Variants in SERPINA5 observed in about 807,000 individuals in gnomAD.
The protein encoded by SERPINA5 is serpin family A member 5.
Under a neutral mutation model 25.3 loss-of-function variants are expected in SERPINA5, and 25 were observed. The observed-to-expected ratio is 0.99, with a 90% confidence interval of 0.72 to 1.38. The LOEUF is 1.38. SERPINA5 is among the 40% of genes most tolerant of loss of function. SERPINA5 has a pLI of 0.00. For missense variants in SERPINA5, 599 were observed against 509.5 expected (o/e 1.18, Z -1.69); for synonymous variants, 234 against 206.2 (o/e 1.14, Z -1.16).
rs983877262 is a variant in SERPINA5 at position 94,588,121 on chromosome 14, A to G, written c.619+140A>G. ...GGTGCCTGTTGAGAAAAATTAAGTA[A>G]ACAAGCAGCCAGAGAAGGTAAGATG... is the stretch of plus-strand genomic sequence containing the variant. On this transcript the variant is annotated intron_variant, in intron 3 of 5. Coordinates refer to ENST00000329597, the MANE Select transcript of SERPINA5 (RefSeq NM_000624.6). 6 of 1,081,452 alleles carry G rather than the reference A, an allele frequency of 5.5e-6. No homozygotes were observed. The African/African-American group carries it at 9.5e-5, about 17-fold the overall frequency. 67.0% of individuals were successfully genotyped at this position (1,081,452 alleles called of 1,614,324 possible). A position where few individuals can be genotyped will look rare whatever the true frequency, so the allele number is the denominator to read the frequency against.
chr14:94,592,873 G>A lies in SERPINA5; in HGVS notation c.*634G>A, dbSNP rs7069. 11,084 of 152,248 alleles carry A rather than the reference G, an allele frequency of 0.073. 511 individuals carry two copies. The highest frequency in any genetic ancestry group is 0.14 in the Middle Eastern group (42 of 294). The allele number at this position is 152,248 out of a possible 1,614,324, so 9.4% of individuals were successfully genotyped here. ...AAGGCTGGGGTGGGCCCTGTCATTC[G>A]TGGTTGATTTCAATACACTCAAGTG... On this transcript the variant is annotated 3_prime_UTR_variant, in exon 6 of 6. Coordinates refer to ENST00000329597, the MANE Select transcript of SERPINA5 (RefSeq NM_000624.6).
intron 2 of SERPINA5, 124 bp from the exon 3 acceptor site, chr14:94,587,222 A>C: frequency 1.1e-6 from 1 of 891,522 alleles, no homozygotes; most frequent in South Asian, 1.7e-5. Flanking sequence ...TGCGGGTGCC[A>C]TCCCTTCTCT....
At chr14:94,590,934 T>G (rs12881671) in intron 5 of SERPINA5, 38 bp downstream of exon 5, 1 of 1,551,442 alleles carries the variant, frequency 6.4e-7, no homozygotes, top group South Asian at 1.2e-5. Context: ...CTTCCCAAGG[T>G]CTATTCTGTT....
intron 5 of SERPINA5, 102 bp from the exon 6 acceptor site, chr14:94,591,955 A>G: frequency 7.8e-7 from 1 of 1,282,072 alleles, no homozygotes; most frequent in Non-Finnish European, 1.1e-6. Context: ...TCAGTTGAAC[A>G]GATACTTAGA....
intron 5 of SERPINA5, among the ~76,000 whole-genome samples, chr14:94,591,219 C>G (rs555935583): frequency 2.7e-5 from 4 of 148,502 alleles, no homozygotes; most frequent in African/African-American, 9.9e-5. Flanking sequence ...CTCCACTCCA[C>G]TCCTCCACTC....
At chr14:94,585,764 C>CGTGTGT (rs3138588) in intron 2 of SERPINA5, among the ~76,000 whole-genome samples, 3,834 of 145,794 alleles carry the variant, frequency 0.026, 140 homozygotes, top group African/African-American at 0.084. Flanking sequence ...CAGGCTCACA[C>CGTGTGT]GTGTGTGTGT....
intron 3 of SERPINA5, 66 bp from the exon 4 acceptor site, chr14:94,589,975 T>A: frequency 6.9e-7 from 1 of 1,456,496 alleles, no homozygotes; most frequent in Middle Eastern, 1.8e-4. Flanking sequence ...CTCCTTTTAT[T>A]TGCAGCTGAG....
At chr14:94,590,489 A>G in intron 4 of SERPINA5, 178 bp downstream of exon 4, 1 of 904,440 alleles carries the variant, frequency 1.1e-6, no homozygotes, top group Non-Finnish European at 1.6e-6. Flanking sequence ...TTGGAGGGAC[A>G]AGAGCTGGAA....
chr14:94,583,060 G>A (rs1157169086), intron 2 of SERPINA5, among the ~76,000 whole-genome samples: 1 of 152,176 alleles, frequency 6.6e-6, no homozygotes, highest in East Asian at 1.9e-4. Flanking sequence ...GTGAGCCTGG[G>A]GGTATCACGT....
chr14:94,590,117 G>T lies in SERPINA5; in HGVS notation c.696G>T (p.Arg232=). The T allele has an allele frequency of 1.2e-6, 2 of 1,614,056 alleles. No individual in the cohort carries two copies. Among genetic ancestry groups the T allele is most frequent in the Non-Finnish European group, 1.7e-6 (2 of 1,179,966 alleles). The part of the protein sequence containing the change: ...DFYVTSETVV[R]VPMMSREDQY... ...ACGTGACCTCGGAGACTGTGGTGCG[G>T]GTACCCATGATGAGCCGCGAGGATC... Residue 232 remains arginine (R), a synonymous_variant, in exon 4 of 6, where the codon CGG becomes CGT. Coordinates refer to ENST00000329597, the MANE Select transcript of SERPINA5 (RefSeq NM_000624.6).
At chr14:94,583,679 T>C (rs1884987091) in intron 2 of SERPINA5, among the ~76,000 whole-genome samples, 1 of 152,180 alleles carries the variant, frequency 6.6e-6, no homozygotes, top group African/African-American at 2.4e-5. Flanking sequence ...GCGGGAAGAC[T>C]GACCAGGGCC....
At position 94,587,399 on chromosome 14, in the gene SERPINA5, A is replaced by G. The variant is rs1466686920; in HGVS notation, c.37A>G (p.Ser13Gly). ...CCTCCTCTTGTGCCTGGTGCTTCTC[A>G]GCCCTCAGGGGGCCTCCCTTCACCG... ...LFLLLCLVLLSPQGASLHRHH... is the reference protein window; with the variant it reads ...LFLLLCLVLLGPQGASLHRHH... Residue 13 changes from serine (S) to glycine (G), a missense_variant, in exon 3 of 6, where the codon AGC (serine) becomes GGC (glycine). By Grantham distance (56) the Ser-to-Gly change is moderately conservative (BLOSUM62 0). Transcript: ENST00000329597. 6.2e-7 allele frequency: 1 copy of G among 1,612,816 alleles called. No homozygotes were observed. Among genetic ancestry groups the G allele is most frequent in the Middle Eastern group, 1.7e-4 (1 of 6,046 alleles).
In SERPINA5 at chr14:94,590,753, C is replaced by T; in HGVS notation, c.895C>T (p.Leu299Phe). The T allele has an allele frequency of 6.2e-7, 1 of 1,613,668 alleles. No homozygotes were observed. The highest frequency in any genetic ancestry group is 1.7e-5 in the Admixed American group (1 of 59,986). ...AAGCTCCTTTTCCCTTTCCAGGCAG[C>T]TCGAGCTTTACCTTCCCAAATTCTC... is the stretch of plus-strand genomic sequence containing the variant. ...KWLKMFKKRQ[L>F]ELYLPKFSIE... is the part of the protein sequence containing the mutation. The change falls in exon 5 of 6, where the codon CTC becomes TTC. Residue 299 changes from leucine (L) to phenylalanine (F), a missense_variant. By Grantham distance (22) the Leu-to-Phe change is conservative (BLOSUM62 0). Transcript: ENST00000329597.
At chr14:94,582,747 A>G (rs8009930) in intron 2 of SERPINA5, among the ~76,000 whole-genome samples, 2 of 152,136 alleles carry the variant, frequency 1.3e-5, no homozygotes, top group African/African-American at 2.4e-5. Context: ...TGAGGGTCCC[A>G]TGGAGAGAGA....
chr14:94,587,263 G>A (rs1339469735), intron 2 of SERPINA5, 83 bp from the exon 3 acceptor site: 3 of 1,233,680 alleles, frequency 2.4e-6, no homozygotes, highest in South Asian at 2.9e-5. Context: ...CATACCCATT[G>A]AGTGTTGGGT....
Sources: allele counts gnomAD v4.1 joint callset (sites outside exome capture counted in the v4.1 genomes callset), GRCh38; gene constraint gnomAD v4.1.1; transcripts MANE v1.5; gene names NCBI Gene and HGNC (gene_info 2026-07-23, HGNC 2026-07-21).